The following ATP8A2 variants were observed in gnomAD, a reference collection of about 807,000 sequenced individuals.
ATP8A2 encodes ATPase phospholipid transporting 8A2.
Under a neutral mutation model 165.6 loss-of-function variants are expected in ATP8A2, and 100 were observed. The observed-to-expected ratio is 0.60, with a 90% CI of 0.51 to 0.71. The LOEUF (loss-of-function observed/expected upper bound fraction) is 0.71, where lower values mean the gene tolerates loss of function less well. Among genes scored for constraint, ATP8A2 ranks in the 30% least tolerant of loss-of-function variants. The pLI is 0.00. For synonymous variants in ATP8A2, 543 were observed against 548.8 expected (o/e 0.99, Z 0.15); for missense variants, 1,227 against 1,479.5 (o/e 0.83, Z 2.80).
intron 33 of ATP8A2, among the ~76,000 whole-genome samples, chr13:25,900,588 G>T (rs1300291004): frequency 6.6e-6 from 1 of 152,102 alleles, no homozygotes; most frequent in Non-Finnish European, 1.5e-5. Flanking sequence ...AAAGAGTTTT[G>T]GCTAAAGGTT....
intron 34 of ATP8A2, among the ~76,000 whole-genome samples, chr13:25,967,575 T>TAC (rs1439748205): frequency 1.3e-5 from 2 of 152,218 alleles, no homozygotes; most frequent in African/African-American, 4.8e-5. Context: ...TGGGTCCTGG[T>TAC]ACATAGCAGG....
intron 1 of ATP8A2, among the ~76,000 whole-genome samples, chr13:25,414,985 G>C (rs1430287887): frequency 1.3e-5 from 2 of 152,186 alleles, no homozygotes; most frequent in Non-Finnish European, 2.9e-5. Flanking sequence ...CCATTTGCCA[G>C]AGAAGAAGCA....
intron 33 of ATP8A2, among the ~76,000 whole-genome samples, chr13:25,902,022 G>A (rs994805229): frequency 9.2e-5 from 14 of 152,040 alleles, no homozygotes; most frequent in Admixed American, 7.9e-4. Flanking sequence ...AGCTATATTC[G>A]GGATCCATTA....
chr13:25,640,324 T>C (rs2041483874), intron 24 of ATP8A2, among the ~76,000 whole-genome samples: 1 of 152,016 alleles, frequency 6.6e-6, no homozygotes, highest in Non-Finnish European at 1.5e-5. Flanking sequence ...AGCTGGTTTT[T>C]TGAAAAGATC....
At chr13:25,548,890 A>G (rs61948622) in intron 10 of ATP8A2, among the ~76,000 whole-genome samples, 5,848 of 152,354 alleles carry the variant, frequency 0.038, 142 homozygotes, top group Non-Finnish European at 0.051. Flanking sequence ...TGCCAATAGA[A>G]TTCAAATAAC....
chr13:25,630,530 T>G (rs1048483443), intron 24 of ATP8A2, among the ~76,000 whole-genome samples: 2 of 152,176 alleles, frequency 1.3e-5, no homozygotes, highest in African/African-American at 2.4e-5. Context: ...CATTGAAACT[T>G]GGCTTGAGGC....
intron 25 of ATP8A2, among the ~76,000 whole-genome samples, chr13:25,732,602 T>G (rs1225186042): frequency 2.6e-5 from 4 of 152,240 alleles, no homozygotes; most frequent in African/African-American, 9.6e-5. Context: ...GGGATTGTAT[T>G]TCACCAGAAG....
chr13:25,643,388 A>G (rs906445770), intron 24 of ATP8A2, among the ~76,000 whole-genome samples: 1 of 152,062 alleles, frequency 6.6e-6, no homozygotes, highest in Non-Finnish European at 1.5e-5. Flanking sequence ...TGTTGTTATG[A>G]CAGTGTCTTT....
chr13:25,946,288 C>T (rs2139126626), intron 33 of ATP8A2, among the ~76,000 whole-genome samples: 1 of 152,258 alleles, frequency 6.6e-6, no homozygotes, highest in South Asian at 2.1e-4. Context: ...CATCTCTCTC[C>T]TCCTGAGAGT....
At chr13:26,014,220 A>G (rs1211099927) in intron 36 of ATP8A2, among the ~76,000 whole-genome samples, 1 of 152,172 alleles carries the variant, frequency 6.6e-6, no homozygotes, top group African/African-American at 2.4e-5. Flanking sequence ...AAAGTTGGGT[A>G]ATATGAGAAC....
At chr13:25,778,223 C>T (rs2044785950) in intron 27 of ATP8A2, among the ~76,000 whole-genome samples, 1 of 152,122 alleles carries the variant, frequency 6.6e-6, no homozygotes, top group South Asian at 2.1e-4. Flanking sequence ...AATATTCCAC[C>T]CAAATGATAT....
At chr13:25,904,523 C>A (rs1211612163) in intron 33 of ATP8A2, among the ~76,000 whole-genome samples, 1 of 152,214 alleles carries the variant, frequency 6.6e-6, no homozygotes, top group African/African-American at 2.4e-5. Context: ...CTGCCGGAAG[C>A]GCTGTTGTCT....
intron 33 of ATP8A2, among the ~76,000 whole-genome samples, chr13:25,955,276 G>C (rs1343860660): frequency 1.3e-5 from 2 of 152,142 alleles, no homozygotes; most frequent in Admixed American, 6.5e-5. Flanking sequence ...AGTAAGATCA[G>C]AGCAGAACTG....
At chr13:25,467,800 T>C (rs1379830793) in intron 1 of ATP8A2, among the ~76,000 whole-genome samples, 6 of 152,018 alleles carry the variant, frequency 3.9e-5, no homozygotes, top group African/African-American at 1.4e-4. Context: ...ATCCGCCCGC[T>C]TCGGCCTCCC....
chr13:25,970,465 G>A (rs1001436286), intron 35 of ATP8A2, among the ~76,000 whole-genome samples: 1 of 152,204 alleles, frequency 6.6e-6, no homozygotes, highest in Non-Finnish European at 1.5e-5. Context: ...CCAAGGCTCA[G>A]GTCCAACACT....
intron 24 of ATP8A2, among the ~76,000 whole-genome samples, chr13:25,654,933 T>C (rs1454436046): frequency 1.3e-5 from 2 of 152,182 alleles, no homozygotes; most frequent in African/African-American, 4.8e-5. Flanking sequence ...TCTCCAAAAT[T>C]GGTACTCATC....
intron 33 of ATP8A2, among the ~76,000 whole-genome samples, chr13:25,910,908 A>T (rs946277896): frequency 1.7e-4 from 25 of 150,726 alleles, no homozygotes; most frequent in Admixed American, 1.6e-3. Context: ...GATTAAATGG[A>T]TGATTATCCC....
chr13:25,700,699 C>T (rs1211018596), intron 25 of ATP8A2, among the ~76,000 whole-genome samples: 1 of 152,130 alleles, frequency 6.6e-6, no homozygotes, highest in Non-Finnish European at 1.5e-5. Context: ...CGTAGGTTTT[C>T]GACTCCTCTG....
intron 33 of ATP8A2, among the ~76,000 whole-genome samples, chr13:25,867,681 G>A (rs536578982): frequency 6.6e-6 from 1 of 152,246 alleles, no homozygotes; most frequent in African/African-American, 2.4e-5. Flanking sequence ...ACAGTGAGCG[G>A]GTCAGGAAGC....
Sources: gnomAD v4.1 joint callset for allele counts (sites outside exome capture counted in the v4.1 genomes callset) on GRCh38, gnomAD v4.1.1 for gene constraint, MANE v1.5 for transcripts, NCBI Gene and HGNC (gene_info 2026-07-23, HGNC 2026-07-21) for gene names.